The following SIAH3 variants were observed in gnomAD, a reference collection of about 807,000 sequenced individuals.
SIAH3 encodes the protein siah E3 ubiquitin protein ligase family member 3, also known as seven in absentia homolog 3.
SIAH3 carries 9 observed loss-of-function variants against 12.6 expected under a neutral mutation model. That is an observed-to-expected ratio of 0.72 (90% CI 0.43 to 1.25). The LOEUF (loss-of-function observed/expected upper bound fraction) is 1.25. SIAH3 is among the 50% of genes most tolerant of loss of function. The pLI is 0.00. For synonymous variants in SIAH3, 154 were observed against 151.1 expected (o/e 1.02, Z -0.14); for missense variants, 390 against 365.4 (o/e 1.07, Z -0.55).
At chr13:45,794,368 G>A (rs1325652) in intron 1 of SIAH3, among the ~76,000 whole-genome samples, 15,855 of 152,118 alleles carry the variant, frequency 0.1, 998 homozygotes, top group South Asian at 0.16. Flanking sequence ...TACAAAGGAC[G>A]TTGTATAGTG....
chr13:45,805,890 A>G (rs1434007171), intron 1 of SIAH3, among the ~76,000 whole-genome samples: 9 of 152,074 alleles, frequency 5.9e-5, no homozygotes, highest in Non-Finnish European at 1.3e-4. Flanking sequence ...AAACCAAATA[A>G]CCCCATTAAA....
chr13:45,831,652 A>T (rs1950699693), intron 1 of SIAH3, among the ~76,000 whole-genome samples: 1 of 152,116 alleles, frequency 6.6e-6, no homozygotes, highest in Non-Finnish European at 1.5e-5. Flanking sequence ...AAGACATCAC[A>T]CTGTTTCAGA....
chr13:45,809,994 G>A (rs749493738), intron 1 of SIAH3, among the ~76,000 whole-genome samples: 8 of 152,194 alleles, frequency 5.3e-5, no homozygotes, highest in Admixed American at 1.3e-4. Context: ...AGCTTGTCAC[G>A]TTGCCATGGG....
chr13:45,850,623 C>A (rs1482525388), intron 1 of SIAH3, among the ~76,000 whole-genome samples: 2 of 152,102 alleles, frequency 1.3e-5, no homozygotes, highest in East Asian at 3.9e-4. Context: ...CTACCCCTAA[C>A]CAGTGGCCCA....
chr13:45,832,212 C>G (rs552990298), intron 1 of SIAH3, among the ~76,000 whole-genome samples: 1 of 152,182 alleles, frequency 6.6e-6, no homozygotes, highest in Non-Finnish European at 1.5e-5. Flanking sequence ...AAAATAAAAT[C>G]TTCCATTTTA....
chr13:45,845,390 C>T (rs757543182), intron 1 of SIAH3, among the ~76,000 whole-genome samples: 15 of 152,054 alleles, frequency 9.9e-5, no homozygotes, highest in Non-Finnish European at 2.2e-4. Context: ...AATGGTGACT[C>T]GCTGGTTTTT....
intron 1 of SIAH3, among the ~76,000 whole-genome samples, chr13:45,842,038 C>T (rs1423899022): frequency 6.6e-6 from 1 of 152,186 alleles, no homozygotes; most frequent in Non-Finnish European, 1.5e-5. Flanking sequence ...CACTTCATCC[C>T]CTTGAGCCAC....
chr13:45,812,527 A>C (rs944700457), intron 1 of SIAH3, among the ~76,000 whole-genome samples: 1 of 152,220 alleles, frequency 6.6e-6, no homozygotes, highest in Non-Finnish European at 1.5e-5. Flanking sequence ...CCTCACATTT[A>C]TTCAGGAACA....
At chr13:45,786,115 G>T (rs181604606) in intron 1 of SIAH3, among the ~76,000 whole-genome samples, 1 of 152,032 alleles carries the variant, frequency 6.6e-6, no homozygotes, top group Admixed American at 6.6e-5. Context: ...TGATTTGGTC[G>T]GGGGGGTTTC....
chr13:45,834,083 C>G (rs368093552), intron 1 of SIAH3, among the ~76,000 whole-genome samples: 1 of 151,952 alleles, frequency 6.6e-6, no homozygotes, highest in South Asian at 2.1e-4. Context: ...ATCTCATTCC[C>G]GGAATTCTAA....
Position 45,783,606 on chromosome 13 carries a change from G to C in SIAH3, c.587C>G (p.Ala196Gly). The change falls in exon 2 of 2, where the codon GCC becomes GGC. Residue 196 changes from alanine (A) to glycine (G), a missense_variant. Physicochemically the swap from Ala to Gly is moderately conservative, Grantham distance 60. Coordinates refer to ENST00000400405, the MANE Select transcript of SIAH3 (RefSeq NM_198849.3). The stretch of plus-strand genomic sequence containing the variant: ...CTCCAGGCGATAGGTGAAGCAGTCG[G>C]CCTGGGTGGGGGTCCCAATCAGCAT... ...TMMLIGTPTQ[A>G]DCFTYRLELN... 2 of 1,614,072 alleles carry C rather than the reference G, an allele frequency of 1.2e-6. No homozygotes were observed. Among genetic ancestry groups the C allele is most frequent in the Non-Finnish European group, 8.5e-7 (1 of 1,179,958 alleles).
intron 1 of SIAH3, among the ~76,000 whole-genome samples, chr13:45,807,206 G>A (rs965081500): frequency 1.3e-5 from 2 of 151,528 alleles, no homozygotes; most frequent in Non-Finnish European, 2.9e-5. Context: ...TATTCAATAC[G>A]ATGATTCACT....
At chr13:45,831,607 A>T (rs1477796793) in intron 1 of SIAH3, among the ~76,000 whole-genome samples, 1 of 152,140 alleles carries the variant, frequency 6.6e-6, no homozygotes, top group Non-Finnish European at 1.5e-5. Context: ...TACTCTAATG[A>T]GAAGGCAGGG....
chr13:45,829,274 C>T (rs1950690112), intron 1 of SIAH3, among the ~76,000 whole-genome samples: 1 of 152,114 alleles, frequency 6.6e-6, no homozygotes, highest in Non-Finnish European at 1.5e-5. Context: ...TGAATTTTAA[C>T]CTACGCATGA....
At chr13:45,849,796 C>A (rs1950773200) in intron 1 of SIAH3, among the ~76,000 whole-genome samples, 1 of 152,168 alleles carries the variant, frequency 6.6e-6, no homozygotes, top group African/African-American at 2.4e-5. Flanking sequence ...CATATAAATG[C>A]AAACTTCAGA....
chr13:45,794,473 C>T (rs1950556215), intron 1 of SIAH3, among the ~76,000 whole-genome samples: 1 of 152,130 alleles, frequency 6.6e-6, no homozygotes, highest in African/African-American at 2.4e-5. Context: ...TGTGTCCCCA[C>T]CCACATCTCA....
rs80114537 is a variant in SIAH3, at chr13:45,801,673, A to C, written c.136-17616T>G. ...CTTAATAACGTGTTACATTATTCCT[A>C]TGCCATCTCTCTGGTCAAGAACTAT... On this transcript the variant is annotated intron_variant, in intron 1 of 1. Transcript: ENST00000400405. Among the ~76,000 whole-genome samples, 1,355 of 152,272 alleles carry C rather than the reference A, an allele frequency of 8.9e-3. 15 individuals carry two copies. The highest frequency in any genetic ancestry group is 0.041 in the East Asian group (215 of 5,182).
chr13:45,834,840 C>T (rs1285913026), intron 1 of SIAH3, among the ~76,000 whole-genome samples: 1 of 152,188 alleles, frequency 6.6e-6, no homozygotes, highest in Non-Finnish European at 1.5e-5. Context: ...TGCTAAACCT[C>T]TCTGGGCCTC....
At chr13:45,797,051 T>C (rs1593377396) in intron 1 of SIAH3, among the ~76,000 whole-genome samples, 1 of 152,174 alleles carries the variant, frequency 6.6e-6, no homozygotes, top group African/African-American at 2.4e-5. Context: ...TGGGTTATTA[T>C]AGTCACTGAG....
Sources: allele counts gnomAD v4.1 joint callset (sites outside exome capture counted in the v4.1 genomes callset), GRCh38; gene constraint gnomAD v4.1.1; transcripts MANE v1.5; gene names NCBI Gene and HGNC (gene_info 2026-07-23, HGNC 2026-07-21).